Variants in SBNO1 observed in about 807,000 individuals in gnomAD.
The protein encoded by SBNO1 is protein strawberry notch homolog 1.
Under a neutral mutation model 173.6 loss-of-function variants are expected in SBNO1, and 23 were observed. That is an observed-to-expected ratio of 0.13 (90% confidence interval 0.10 to 0.19). SBNO1 has a LOEUF of 0.19. SBNO1 is among the 10% of genes least tolerant of loss of function. The probability of loss-of-function intolerance (pLI) is 1.00; values close to 1 mark genes in which losing one functional copy is unlikely to be tolerated. For missense variants in SBNO1, 1,238 were observed against 1,671.2 expected, an observed-to-expected ratio of 0.74 and a Z score of 4.52; for synonymous variants, 632 against 571.5, an observed-to-expected ratio of 1.11 and a Z score of -1.51.
At chr12:123,322,833 T>A (rs1349140947) in intron 16 of SBNO1, among the ~76,000 whole-genome samples, 2 of 150,030 alleles carry the variant, frequency 1.3e-5, no homozygotes, top group Non-Finnish European at 3.0e-5. Context: ...TGAGCCAAGA[T>A]GGTACCACTG....
intron 5 of SBNO1, among the ~76,000 whole-genome samples, chr12:123,337,010 TCCTAAAACCAAAACC>T (rs1421491529): frequency 6.6e-6 from 1 of 152,144 alleles, no homozygotes; most frequent in African/African-American, 2.4e-5. Context: ...TTCCCGCATA[TCCTAAAACCAAAACC>T]CCAGAAGACT....
At chr12:123,356,997 T>C (rs545983816) in intron 1 of SBNO1, among the ~76,000 whole-genome samples, 6 of 152,282 alleles carry the variant, frequency 3.9e-5, no homozygotes, top group African/African-American at 1.2e-4. Flanking sequence ...ATGACTGACA[T>C]TTAGTTTAAG....
At chr12:123,298,464 G>A (rs2138869051) in intron 30 of SBNO1, among the ~76,000 whole-genome samples, 1 of 152,172 alleles carries the variant, frequency 6.6e-6, no homozygotes, top group South Asian at 2.1e-4. Flanking sequence ...TGCCATGTTG[G>A]GCAGGCTGGT....
At chr12:123,296,564 T>TG (rs1484319850) in intron 31 of SBNO1, among the ~76,000 whole-genome samples, 4 of 150,446 alleles carry the variant, frequency 2.7e-5, no homozygotes, top group Non-Finnish European at 6.0e-5. Flanking sequence ...TGTTTTTTTT[T>TG]TTGTTTTTTT....
intron 22 of SBNO1, 29 bp from the exon 23 acceptor site, chr12:123,315,473 C>G: frequency 6.3e-7 from 1 of 1,598,088 alleles, no homozygotes; most frequent in Non-Finnish European, 8.6e-7. Flanking sequence ...TCAATCAAGG[C>G]ACAGGTAACC....
rs2138855362 is a variant in SBNO1, at chr12:123,294,643, AAAAAAAAAAAAAAAAAAAG to A, written c.*1246_*1264del. 6.4e-6 allele frequency: 1 copy of A among 157,106 alleles called. No individual in the cohort carries two copies. Among genetic ancestry groups the A allele is most frequent in the East Asian group, 1.9e-4 (1 of 5,136 alleles). The allele number at this position is 157,106 out of a possible 1,614,324, so 9.7% of individuals were successfully genotyped here. A position where few individuals can be genotyped will look rare whatever the true frequency, so the allele number is the denominator to read the frequency against. ...GTGCAACCTGTGGAAGCAAAAAAAA[AAAAAAAAAAAAAAAAAAAG>A]AAAAAAAGAAAAGAAAGAAAAAGAA... On this transcript the variant is annotated 3_prime_UTR_variant, in exon 32 of 32. Transcript: ENST00000602398.
At chr12:123,363,780 G>A (rs1593435740) in intron 1 of SBNO1, 11 of 848,004 alleles carry the variant, frequency 1.3e-5, no homozygotes, top group East Asian at 2.5e-4. Flanking sequence ...GAGCTTCTCT[G>A]TGCGAGGATC....
intron 31 of SBNO1, 133 bp downstream of exon 31, chr12:123,297,845 T>A: frequency 5.3e-6 from 4 of 752,092 alleles, no homozygotes; most frequent in Non-Finnish European, 8.8e-6. Context: ...GTAAGAAATA[T>A]AAAACGGGTC....
At position 123,317,363 on chromosome 12, in the gene SBNO1, C is replaced by T; in HGVS notation, c.2800-7G>A. On this transcript the variant is annotated splice_region_variant and splice_polypyrimidine_tract_variant and intron_variant, in intron 20 of 31. Coordinates refer to ENST00000602398, the MANE Select transcript of SBNO1 (RefSeq NM_001167856.3). The stretch of plus-strand genomic sequence containing the variant: ...CTGAGATGATAGCAATATTCTGTGT[C>T]AAATATAAGAAAAATAAAGTCACTT... 1 of 1,613,428 alleles carries T rather than the reference C, an allele frequency of 6.2e-7. No individual in the cohort carries two copies. The highest frequency in any genetic ancestry group is 8.5e-7 in the Non-Finnish European group (1 of 1,179,738).
chr12:123,325,716 T>C (rs1870536246), intron 14 of SBNO1, 117 bp from the exon 15 acceptor site: 2 of 745,944 alleles, frequency 2.7e-6, no homozygotes, highest in African/African-American at 1.8e-5. Flanking sequence ...CTCATTATTA[T>C]AAAACACAAA....
At chr12:123,318,415 G>A (rs1446946671) in intron 20 of SBNO1, among the ~76,000 whole-genome samples, 2 of 151,462 alleles carry the variant, frequency 1.3e-5, no homozygotes, top group African/African-American at 2.4e-5. Flanking sequence ...ACAAAGTGAC[G>A]GTCCTTCTCA....
intron 29 of SBNO1, 99 bp from the exon 30 acceptor site, chr12:123,302,999 A>C: frequency 2.3e-6 from 2 of 873,292 alleles, no homozygotes; most frequent in Non-Finnish European, 3.8e-6. Flanking sequence ...ATTTAAAATA[A>C]TCTCTACACA....
Position 123,316,948 on chromosome 12 carries a change from C to T in SBNO1, c.2935+273G>A, listed in dbSNP as rs1566031266. ...AAACTATTACCTCAAGTGATGCACC[C>T]ACCTCAGCCTCCCAAAGTGCTGGGA... On this transcript the variant is annotated intron_variant, in intron 21 of 31. Coordinates refer to ENST00000602398, the MANE Select transcript of SBNO1 (RefSeq NM_001167856.3). Among the ~76,000 whole-genome samples the T allele has an allele frequency of 2.0e-5, 3 of 151,848 alleles. No homozygotes were observed. In the South Asian group the frequency reaches 6.2e-4, roughly 31 times the overall value.
intron 15 of SBNO1, among the ~76,000 whole-genome samples, chr12:123,324,647 C>T (rs889512316): frequency 2.8e-4 from 42 of 151,864 alleles, no homozygotes; most frequent in African/African-American, 9.9e-4. Context: ...GAATGCATCC[C>T]GAGGCACAAA....
At chr12:123,360,588 G>A (rs1221645961) in intron 1 of SBNO1, among the ~76,000 whole-genome samples, 3 of 151,742 alleles carry the variant, frequency 2.0e-5, no homozygotes, top group East Asian at 2.0e-4. Flanking sequence ...GGGATTATAG[G>A]TGCGGATCAC....
rs545547241 is a variant in SBNO1, at chr12:123,328,764, C to G, written c.1266G>C (p.Leu422=). 1.3e-5 allele frequency: 21 copies of G among 1,596,120 alleles called. No homozygotes were observed. In the African/African-American group the frequency reaches 2.0e-4, roughly 15 times the overall value. The change falls in exon 10 of 32, where the codon CTG becomes CTC. Residue 422 remains leucine (L), a synonymous_variant. Coordinates refer to ENST00000602398, the MANE Select transcript of SBNO1 (RefSeq NM_001167856.3). ...GKYKTRLKQL[L]HWCGDDFDGV... ...CATCGAAGTCATCACCGCACCAATG[C>G]AGAAGTTGTTTTAACCTAGTTTTAT...
intron 1 of SBNO1, chr12:123,364,029 G>A (rs914671081): frequency 1.2e-4 from 119 of 985,368 alleles, no homozygotes; most frequent in Non-Finnish European, 1.3e-4. Context: ...CCCAACTGCC[G>A]TTCCCCTCCA....
chr12:123,315,701 G>T, intron 21 of SBNO1, 41 bp from the exon 22 acceptor site: 1 of 1,084,070 alleles, frequency 9.2e-7, no homozygotes. Context: ...GATTGTGTTC[G>T]CTGGACAGAG....
intron 5 of SBNO1, among the ~76,000 whole-genome samples, chr12:123,339,419 C>T (rs1872267481): frequency 6.6e-6 from 1 of 152,172 alleles, no homozygotes; most frequent in African/African-American, 2.4e-5. Context: ...TTTACTCAGT[C>T]TGCACCCCAA....
Sources: gnomAD v4.1 joint callset for allele counts (sites outside exome capture counted in the v4.1 genomes callset) on GRCh38, gnomAD v4.1.1 for gene constraint, MANE v1.5 for transcripts, NCBI Gene and HGNC (gene_info 2026-07-23, HGNC 2026-07-21) for gene names.